The following C3orf52 variants were observed in gnomAD, a reference collection of about 807,000 sequenced individuals.
The protein encoded by C3orf52 is chromosome 3 open reading frame 52, also known as TPA-induced transmembrane protein.
C3orf52 carries 22 observed loss-of-function variants against 24.8 expected under a neutral mutation model. The observed-to-expected ratio is 0.89, with a 90% CI of 0.63 to 1.27. C3orf52 has a LOEUF of 1.27. Ranked by LOEUF, C3orf52 falls within the 50% of genes most tolerant of loss-of-function variation. The pLI, the probability that C3orf52 is intolerant of heterozygous loss-of-function variation, is 0.00. For synonymous variants in C3orf52, 93 were observed against 100.2 expected (o/e 0.93, Z 0.43); for missense variants, 265 against 260.7 (o/e 1.02, Z -0.11).
intron 1 of C3orf52, among the ~76,000 whole-genome samples, chr3:112,090,437 G>A (rs912836288): frequency 6.6e-6 from 1 of 151,900 alleles, no homozygotes; most frequent in Admixed American, 6.6e-5. Context: ...TGGGACCACA[G>A]GTGTAAACCG....
intron 3 of C3orf52, 140 bp downstream of exon 3, chr3:112,103,105 T>C (rs1250818424): frequency 1.4e-6 from 1 of 729,686 alleles, no homozygotes; most frequent in Non-Finnish European, 2.3e-6. Context: ...ATGATGCTTA[T>C]AAATATATTT....
rs546115520 is a variant in C3orf52 at position 112,108,377 on chromosome 3, A to G, written c.397-1166A>G. Among the ~76,000 whole-genome samples the G allele has an allele frequency of 2.6e-5, 4 of 152,248 alleles. No individual in the cohort carries two copies. In the East Asian group the frequency reaches 5.8e-4, roughly 22 times the overall value. Reference sequence around the variant, plus strand: ...GTGCTGGTAAGGATGTGGGAAATGGATATTTATACATTGCTGGGAGGGGTG... The same window carrying G: ...GTGCTGGTAAGGATGTGGGAAATGGGTATTTATACATTGCTGGGAGGGGTG... On this transcript the variant is annotated intron_variant, in intron 3 of 5. Transcript: ENST00000264848.
At chr3:112,132,536 G>A (rs1188680286), downstream of C3orf52, 9 of 421,782 alleles carry the variant, frequency 2.1e-5, no homozygotes, top group Admixed American at 1.3e-4. Context: ...AACTCTCTAA[G>A]GTAGATATTG....
chr3:112,135,554 G>A (rs1261150180), downstream of C3orf52, among the ~76,000 whole-genome samples: 2 of 152,022 alleles, frequency 1.3e-5, no homozygotes, highest in Non-Finnish European at 2.9e-5. Context: ...ATTTCCAGGA[G>A]CACCTTATTA....
At position 112,102,822 on chromosome 3, in the gene C3orf52, C is replaced by T. The variant is rs778603271; in HGVS notation, c.269-16C>T. 6.5e-7 allele frequency: 1 copy of T among 1,542,642 alleles called. No homozygotes were observed. Among genetic ancestry groups the T allele is most frequent in the Admixed American group, 2.1e-5 (1 of 47,918 alleles). On this transcript the variant is annotated splice_polypyrimidine_tract_variant and intron_variant, in intron 2 of 5. Coordinates refer to ENST00000264848, the MANE Select transcript of C3orf52 (RefSeq NM_024616.3). ...TTACTTTTGTTTTTCATTTCCACCT[C>T]CCCTACTTTCTTTAGTAACTTATGT...
At chr3:112,127,582 G>A (rs1251826815) in intron 4 of C3orf52, among the ~76,000 whole-genome samples, 8 of 152,174 alleles carry the variant, frequency 5.3e-5, no homozygotes, top group Admixed American at 4.6e-4. Context: ...TCTGGTGAAG[G>A]TCATTATCAA....
At chr3:112,130,015 A>T (rs184432011), downstream of C3orf52, 2 of 165,830 alleles carry the variant, frequency 1.2e-5, no homozygotes, top group Admixed American at 1.1e-4. Context: ...CATCAGGGCA[A>T]TCACAATGGT....
At chr3:112,104,107 CT>C (rs2074003358) in intron 3 of C3orf52, among the ~76,000 whole-genome samples, 1 of 152,118 alleles carries the variant, frequency 6.6e-6, no homozygotes, top group African/African-American at 2.4e-5. Context: ...GGTATTCTCA[CT>C]CAATAAGAGT....
chr3:112,102,113 T>C (rs1307436704), intron 2 of C3orf52, among the ~76,000 whole-genome samples: 1 of 151,564 alleles, frequency 6.6e-6, no homozygotes, highest in Non-Finnish European at 1.5e-5. Context: ...TGAGACATAG[T>C]CTAGAGTGAT....
At chr3:112,089,729 T>G (rs2073861102) in intron 1 of C3orf52, among the ~76,000 whole-genome samples, 1 of 152,104 alleles carries the variant, frequency 6.6e-6, no homozygotes, top group Non-Finnish European at 1.5e-5. Flanking sequence ...TAATATCTGC[T>G]TCTGATTGAG....
At chr3:112,086,942 C>A (rs993636848) in intron 1 of C3orf52, among the ~76,000 whole-genome samples, 4 of 152,170 alleles carry the variant, frequency 2.6e-5, no homozygotes, top group African/African-American at 9.7e-5. Context: ...CTCAGAATCT[C>A]TTCTGTCCTC....
At chr3:112,099,481 C>T (rs2073953414) in intron 2 of C3orf52, among the ~76,000 whole-genome samples, 1 of 152,076 alleles carries the variant, frequency 6.6e-6, no homozygotes, top group Non-Finnish European at 1.5e-5. Context: ...GCCTGTTTTC[C>T]CATTTATAAA....
At chr3:112,092,554 A>G (rs1202511401) in intron 1 of C3orf52, among the ~76,000 whole-genome samples, 1 of 152,218 alleles carries the variant, frequency 6.6e-6, no homozygotes. Flanking sequence ...GACACACAGC[A>G]GGGATTGGTT....
chr3:112,113,727 TA>T (rs2074108734), intron 5 of C3orf52, among the ~76,000 whole-genome samples: 1 of 152,164 alleles, frequency 6.6e-6, no homozygotes, highest in African/African-American at 2.4e-5. Context: ...AACAAGGAAA[TA>T]GATATGTTCT....
At chr3:112,096,815 C>T (rs979656991) in intron 2 of C3orf52, among the ~76,000 whole-genome samples, 1 of 152,218 alleles carries the variant, frequency 6.6e-6, no homozygotes, top group Non-Finnish European at 1.5e-5. Context: ...TGCTCATTCT[C>T]TACAGACTGT....
intron 2 of C3orf52, among the ~76,000 whole-genome samples, chr3:112,097,123 G>T (rs2073933503): frequency 6.6e-6 from 1 of 152,104 alleles, no homozygotes; most frequent in Non-Finnish European, 1.5e-5. Flanking sequence ...GATTTGAAAG[G>T]TACAGAAACA....
chr3:112,126,965 T>C (rs766010608), intron 4 of C3orf52: 1 of 1,514,376 alleles, frequency 6.6e-7, no homozygotes, highest in Non-Finnish European at 9.1e-7. Flanking sequence ...AAAGTGAAAA[T>C]ACTAGGAAAT....
downstream of C3orf52, among the ~76,000 whole-genome samples, chr3:112,120,306 T>G (rs2074175379): frequency 6.6e-6 from 1 of 152,236 alleles, no homozygotes; most frequent in Non-Finnish European, 1.5e-5. Context: ...TGGAGACTTC[T>G]ATTTCCTGTT....
chr3:112,101,477 C>G (rs987138196), intron 2 of C3orf52, among the ~76,000 whole-genome samples: 2 of 152,154 alleles, frequency 1.3e-5, no homozygotes, highest in Admixed American at 6.5e-5. Context: ...TCCAGACTCC[C>G]AGAAGGAAAG....
Sources: gnomAD v4.1 joint callset for allele counts (sites outside exome capture counted in the v4.1 genomes callset) on GRCh38, gnomAD v4.1.1 for gene constraint, MANE v1.5 for transcripts, NCBI Gene and HGNC (gene_info 2026-07-23, HGNC 2026-07-21) for gene names.